Variants in DCST2 observed in about 807,000 individuals in gnomAD.
The protein encoded by DCST2 is DC-STAMP domain containing 2.
DCST2 carries 64 observed loss-of-function variants against 81.8 expected under a neutral mutation model. The ratio of observed to expected loss-of-function variants is 0.78; its 90% CI spans 0.64 to 0.96. The LOEUF (loss-of-function observed/expected upper bound fraction) is 0.96. Ranked by LOEUF, DCST2 falls within the 40% of genes least tolerant of loss-of-function variation. The probability of loss-of-function intolerance (pLI) is 0.00; values close to 1 mark genes in which losing one functional copy is unlikely to be tolerated. For missense variants in DCST2, 945 were observed against 1,001.4 expected (o/e 0.94, Z 0.76); for synonymous variants, 354 against 402.6 (o/e 0.88, Z 1.44).
chr1:155,032,023 C>T (rs1390856152), intron 3 of DCST2, among the ~76,000 whole-genome samples: 7 of 152,244 alleles, frequency 4.6e-5, no homozygotes, highest in Non-Finnish European at 7.4e-5. Context: ...GATGGAGTTT[C>T]GCTCTTGTTG....
At chr1:155,032,986 C>T in intron 2 of DCST2, 108 bp downstream of exon 2, 1 of 1,303,292 alleles carries the variant, frequency 7.7e-7, no homozygotes, top group Non-Finnish European at 1.0e-6. Flanking sequence ...GGCCCAGATG[C>T]TCCGCGATTA....
At position 155,033,094 on chromosome 1, in the gene DCST2, T is replaced by G. The variant is rs965249573; in HGVS notation, c.439A>C (p.Ser147Arg). The G allele has an allele frequency of 5.7e-6, 9 of 1,565,242 alleles. No homozygotes were observed. Among genetic ancestry groups the G allele is most frequent in the Non-Finnish European group, 6.9e-6 (8 of 1,155,938 alleles). ...ACAGTGGTAGAGGTGGGGGACTTAC[T>G]GACAAGAGGTTGCTTGGCCCTCTGT... ...VLQRAKQPLV[S>R]ALNKIKAIAR... The change falls in exon 2 of 15, where the codon AGT becomes CGT. Residue 147 changes from serine to arginine, a missense_variant and splice_region_variant. Coordinates refer to ENST00000368424, the MANE Select transcript of DCST2 (RefSeq NM_144622.3).
intron 5 of DCST2, 140 bp downstream of exon 5, chr1:155,031,029 T>TG: frequency 1.1e-6 from 1 of 901,166 alleles, no homozygotes; most frequent in South Asian, 1.8e-5. Flanking sequence ...GATATGGGCC[T>TG]GGGTGATCAC....
intron 2 of DCST2, 140 bp from the exon 3 acceptor site, chr1:155,032,908 T>C (rs1044814119): frequency 2.9e-6 from 3 of 1,031,970 alleles, no homozygotes; most frequent in Non-Finnish European, 4.3e-6. Context: ...TGGGAGATCG[T>C]TAATCTGGGA....
intron 4 of DCST2, 59 bp downstream of exon 4, chr1:155,031,515 T>TGAC: frequency 4.7e-6 from 3 of 643,126 alleles, no homozygotes; most frequent in Non-Finnish European, 8.7e-6. Flanking sequence ...ACCCCCACAT[T>TGAC]CCCACCCCAC....
intron 10 of DCST2, among the ~76,000 whole-genome samples, chr1:155,025,516 A>G (rs984961166): frequency 6.6e-6 from 1 of 150,712 alleles, no homozygotes; most frequent in African/African-American, 2.4e-5. Flanking sequence ...TTTAGTAGAG[A>G]TGGAGTTTCA....
chr1:155,025,954 T>C (rs1659895894), intron 10 of DCST2, among the ~76,000 whole-genome samples: 1 of 151,888 alleles, frequency 6.6e-6, no homozygotes, highest in Non-Finnish European at 1.5e-5. Context: ...GCAGTCTGCC[T>C]GCCTCACCCT....
At position 155,033,741 on chromosome 1, in the gene DCST2, C is replaced by T. The variant is rs202231455; in HGVS notation, c.-40G>A. 114 of 1,592,312 alleles carry T rather than the reference C, an allele frequency of 7.2e-5. No homozygotes were observed. Among genetic ancestry groups the T allele is most frequent in the Non-Finnish European group, 9.6e-5 (112 of 1,168,080 alleles). ...AATGTCTGCCTGTCTCCAGGAGATG[C>T]CCGCTGACTTCTGTGCTCCTGGAAT... On this transcript the variant is annotated 5_prime_UTR_variant, in exon 1 of 15. Coordinates refer to ENST00000368424, the MANE Select transcript of DCST2 (RefSeq NM_144622.3).
intron 8 of DCST2, among the ~76,000 whole-genome samples, chr1:155,028,894 A>G (rs971149537): frequency 1.3e-5 from 2 of 151,464 alleles, no homozygotes; most frequent in South Asian, 4.2e-4. Flanking sequence ...AAAAGAGGAA[A>G]CTGAAGCTGA....
rs763602654 is a variant in DCST2, at chr1:155,031,249, C to T, written c.740-15G>A. The T allele has an allele frequency of 1.1e-5, 17 of 1,561,630 alleles. No homozygotes were observed. Among genetic ancestry groups the T allele is most frequent in the East Asian group, 2.3e-5 (1 of 44,242 alleles). On this transcript the variant is annotated splice_polypyrimidine_tract_variant and intron_variant, in intron 4 of 14. Coordinates refer to ENST00000368424, the MANE Select transcript of DCST2 (RefSeq NM_144622.3). ...CACCTGGACCACTGAGGGGCGGAGT[C>T]GGCTGAGTGTCGGAAGGAGGGGCAC...
At position 155,033,433 on chromosome 1, in the gene DCST2, C is replaced by T; in HGVS notation, c.268+1G>A. On this transcript the variant is annotated splice_donor_variant, in intron 1 of 14. Transcript: ENST00000368424. LOFTEE classifies it high-confidence loss of function. ...CCCCTAGCCCTGGGTGCCAAGCTCA[C>T]TGGAGAAGGCCTGAGGCAGCAGCAG... The T allele has an allele frequency of 6.2e-7, 1 of 1,612,260 alleles. No homozygotes were observed. Among genetic ancestry groups the T allele is most frequent in the East Asian group, 2.2e-5 (1 of 44,836 alleles).
chr1:155,023,959 C>T lies in DCST2; in HGVS notation c.1743G>A (p.Arg581=). The T allele has an allele frequency of 1.2e-6, 2 of 1,612,306 alleles. No homozygotes were observed. Among genetic ancestry groups the T allele is most frequent in the South Asian group, 2.2e-5 (2 of 90,896 alleles). Residue 581 remains arginine, a splice_region_variant and synonymous_variant, in exon 12 of 15, where the codon CGG becomes CGA. Transcript: ENST00000368424. ...TGACAAATGGACCTAGGCAGGGGCACCTGAGAAAAGGGTCACAGACACTAA... is the reference window on the plus strand; with the variant it reads ...TGACAAATGGACCTAGGCAGGGGCATCTGAGAAAAGGGTCACAGACACTAA... ...HRSAFLVLAS[R]CPCLGPFVSH...
Position 155,018,650 on chromosome 1 carries a change from G to A in DCST2, c.2216C>T (p.Pro739Leu). The change falls in exon 15 of 15, where the codon CCT (proline) becomes CTT (leucine). Residue 739 changes from proline (P) to leucine (L), a missense_variant. Coordinates refer to ENST00000368424, the MANE Select transcript of DCST2 (RefSeq NM_144622.3). ...ILTSPEPHRPPETSSATKGAP... is the reference protein window; with the variant it reads ...ILTSPEPHRPLETSSATKGAP... ...TCCTTTAGTGGCGGAGGATGTCTCA[G>A]GTGGTCTGTGGGGCTCAGGGCTGGT... 1 of 1,613,976 alleles carries A rather than the reference G, an allele frequency of 6.2e-7. No individual in the cohort carries two copies. The highest frequency in any genetic ancestry group is 1.1e-5 in the South Asian group (1 of 91,080).
Position 155,030,582 on chromosome 1 carries a change from T to G in DCST2, c.869A>C (p.His290Pro). The stretch of plus-strand genomic sequence containing the variant: ...AGAGGCATTGAGATCCACAGAGAAG[T>G]GGTGGGTGGCTGTCATGTTGAACTC... ...EFEFNMTATH[H>P]FSVDLNASRS... The change falls in exon 6 of 15, where the codon CAC becomes CCC. Residue 290 changes from histidine to proline, a missense_variant. Coordinates refer to ENST00000368424, the MANE Select transcript of DCST2 (RefSeq NM_144622.3). The G allele has an allele frequency of 6.2e-7, 1 of 1,613,568 alleles. No individual in the cohort carries two copies. The highest frequency in any genetic ancestry group is 8.5e-7 in the Non-Finnish European group (1 of 1,179,920).
At position 155,031,179 on chromosome 1, in the gene DCST2, G is replaced by T. The variant is rs754305196; in HGVS notation, c.795C>A (p.Thr265=). ...GAGGGGGTCACTCACGGGTGCCGATGGTCTGGCGCAAGAAGGGTTGAATGT... is the reference window on the plus strand; with the variant it reads ...GAGGGGGTCACTCACGGGTGCCGATTGTCTGGCGCAAGAAGGGTTGAATGT... The part of the protein sequence containing the change: ...PKYIQPFLRQ[T]IGTPVIQLLN... The change falls in exon 5 of 15, where the codon ACC becomes ACA. Residue 265 remains threonine, a synonymous_variant. Transcript: ENST00000368424. The T allele has an allele frequency of 1.3e-6, 2 of 1,591,436 alleles. No individual in the cohort carries two copies. Among genetic ancestry groups the T allele is most frequent in the Non-Finnish European group, 1.7e-6 (2 of 1,171,762 alleles).
At position 155,033,495 on chromosome 1, in the gene DCST2, G is replaced by A. The variant is rs1660167932; in HGVS notation, c.207C>T (p.Gly69=). Residue 69 remains glycine, a synonymous_variant, in exon 1 of 15, where the codon GGC becomes GGT. Transcript: ENST00000368424. The part of the protein sequence containing the change: ...TLTLAAFLSL[G]MGFSRQVRAT... ...CTCGGACCTGGCGAGAGAATCCCAT[G>A]CCCAGGCTAAGGAAGGCAGCCAAAG... is the stretch of plus-strand genomic sequence containing the variant. 1 of 1,613,884 alleles carries A rather than the reference G, an allele frequency of 6.2e-7. No homozygotes were observed. Among genetic ancestry groups the A allele is most frequent in the Admixed American group, 1.7e-5 (1 of 60,008 alleles).
chr1:155,025,147 C>CAAAAA (rs201238594), intron 10 of DCST2, among the ~76,000 whole-genome samples: 2 of 111,384 alleles, frequency 1.8e-5, no homozygotes, highest in African/African-American at 3.6e-5. Flanking sequence ...AATTCTGTCT[C>CAAAAA]AAAAAAAAAA....
intron 5 of DCST2, 138 bp downstream of exon 5, chr1:155,031,031 G>T: frequency 2.2e-6 from 2 of 911,706 alleles, no homozygotes; most frequent in African/African-American, 1.7e-5. Context: ...TATGGGCCTG[G>T]GTGATCACTT....
rs370377585 is a variant in DCST2 at position 155,033,674 on chromosome 1, G to A, written c.28C>T (p.His10Tyr). 2 of 1,614,070 alleles carry A rather than the reference G, an allele frequency of 1.2e-6. No homozygotes were observed. The highest frequency in any genetic ancestry group is 3.3e-5 in the Admixed American group (2 of 60,006). Residue 10 changes from histidine to tyrosine, a missense_variant, in exon 1 of 15, where the codon CAC (histidine) becomes TAC (tyrosine). By Grantham distance (83) the His-to-Tyr change is moderately conservative. Transcript: ENST00000368424. MPKVMKDVV[H>Y]PLGGEEPSMA... ...CTAGGCTCCTCTCCCCCCAAGGGGTGCACAACATCCTTCATGACTTTGGGC... is the reference window on the plus strand; with the variant it reads ...CTAGGCTCCTCTCCCCCCAAGGGGTACACAACATCCTTCATGACTTTGGGC...
Sources: allele counts gnomAD v4.1 joint callset (sites outside exome capture counted in the v4.1 genomes callset), GRCh38; gene constraint gnomAD v4.1.1; transcripts MANE v1.5; gene names NCBI Gene and HGNC (gene_info 2026-07-23, HGNC 2026-07-21).